The following TDRD12 variants were observed in gnomAD, a reference collection of about 807,000 sequenced individuals.
TDRD12 encodes tudor domain containing 12.
Under a neutral mutation model 133.5 loss-of-function variants are expected in TDRD12, and 158 were observed. The ratio of observed to expected loss-of-function variants is 1.18; its 90% CI spans 1.04 to 1.35. The LOEUF (loss-of-function observed/expected upper bound fraction) is 1.35. TDRD12 is among the 40% of genes most tolerant of loss of function. The pLI is 0.00. For synonymous variants in TDRD12, 460 were observed against 477.9 expected (o/e 0.96, Z 0.49); for missense variants, 1,443 against 1,321.3 (o/e 1.09, Z -1.43).
intron 8 of TDRD12, among the ~76,000 whole-genome samples, chr19:32,767,091 A>ATTTT (rs1352136135): frequency 7.2e-6 from 1 of 137,968 alleles, no homozygotes; most frequent in African/African-American, 2.7e-5. Flanking sequence ...GTTTTCATGC[A>ATTTT]TTTTATTTAT....
intron 23 of TDRD12, among the ~76,000 whole-genome samples, chr19:32,810,998 C>T (rs2145728500): frequency 6.6e-6 from 1 of 152,244 alleles, no homozygotes; most frequent in Non-Finnish European, 1.5e-5. Context: ...AAAGGATTTA[C>T]TCTTATTCAA....
At chr19:32,737,243 G>A (rs1262524157) in intron 2 of TDRD12, among the ~76,000 whole-genome samples, 3 of 151,998 alleles carry the variant, frequency 2.0e-5, no homozygotes, top group Non-Finnish European at 2.9e-5. Flanking sequence ...TCATTCTGTC[G>A]CCCAGGCTGG....
chr19:32,781,428 C>G (rs544827117), intron 11 of TDRD12, among the ~76,000 whole-genome samples: 1 of 152,254 alleles, frequency 6.6e-6, no homozygotes, highest in East Asian at 1.9e-4. Flanking sequence ...AATTGAATCT[C>G]CTCTTTTCCA....
At chr19:32,735,402 C>G (rs1969194238) in intron 2 of TDRD12, among the ~76,000 whole-genome samples, 1 of 152,196 alleles carries the variant, frequency 6.6e-6, no homozygotes, top group Admixed American at 6.5e-5. Flanking sequence ...AAGGCCCTAA[C>G]TCTCTTCAAT....
At chr19:32,760,352 TTTAA>T (rs1395680512) in intron 8 of TDRD12, among the ~76,000 whole-genome samples, 1 of 152,246 alleles carries the variant, frequency 6.6e-6, no homozygotes, top group African/African-American at 2.4e-5. Context: ...TTCCCTTTCC[TTTAA>T]TTATTGTGAG....
At chr19:32,788,430 G>A (rs1568478675) in intron 11 of TDRD12, among the ~76,000 whole-genome samples, 1 of 152,036 alleles carries the variant, frequency 6.6e-6, no homozygotes, top group East Asian at 1.9e-4. Context: ...TTTTTGGAAT[G>A]ATTTTACAAT....
chr19:32,763,657 G>T (rs748253920), intron 8 of TDRD12, among the ~76,000 whole-genome samples: 17 of 152,130 alleles, frequency 1.1e-4, no homozygotes, highest in Admixed American at 5.9e-4. Context: ...GGTATTCACT[G>T]TGAGAACCTG....
At chr19:32,731,270 A>T (rs1439890856) in intron 1 of TDRD12, among the ~76,000 whole-genome samples, 1 of 152,136 alleles carries the variant, frequency 6.6e-6, no homozygotes, top group Non-Finnish European at 1.5e-5. Context: ...AAAGAAGAAT[A>T]CAAATCAGGC....
intron 21 of TDRD12, among the ~76,000 whole-genome samples, chr19:32,805,408 A>T (rs1279320204): frequency 4.6e-5 from 7 of 151,758 alleles, no homozygotes; most frequent in Admixed American, 2.0e-4. Context: ...AGAAAAAAAA[A>T]ATATGTGTGT....
intron 8 of TDRD12, among the ~76,000 whole-genome samples, chr19:32,758,807 T>C (rs1033144154): frequency 3.3e-5 from 5 of 151,842 alleles, no homozygotes; most frequent in Non-Finnish European, 5.9e-5. Flanking sequence ...TGGTTGCACA[T>C]GCCTGTAGTC....
intron 11 of TDRD12, among the ~76,000 whole-genome samples, chr19:32,785,266 G>A (rs761978884): frequency 3.9e-5 from 6 of 152,110 alleles, no homozygotes; most frequent in Non-Finnish European, 5.9e-5. Context: ...GTAGTTGTGC[G>A]GTTTTGAGTG....
intron 25 of TDRD12, among the ~76,000 whole-genome samples, chr19:32,815,212 C>T (rs1414210791): frequency 6.6e-6 from 1 of 152,056 alleles, no homozygotes. Flanking sequence ...CTTGCCACCC[C>T]CCCACCACCT....
intron 21 of TDRD12, among the ~76,000 whole-genome samples, chr19:32,806,909 G>A (rs983317482): frequency 3.3e-5 from 5 of 150,452 alleles, no homozygotes; most frequent in African/African-American, 1.2e-4. Flanking sequence ...TTATTTGCCT[G>A]TCTTGGCCTC....
chr19:32,733,828 GTT>G (rs1969135293), intron 2 of TDRD12, among the ~76,000 whole-genome samples: 1 of 150,580 alleles, frequency 6.6e-6, no homozygotes, highest in Non-Finnish European at 1.5e-5. Context: ...TCTTAAGACT[GTT>G]TGATTACCCT....
intron 8 of TDRD12, among the ~76,000 whole-genome samples, chr19:32,762,224 G>A (rs982016692): frequency 6.6e-6 from 1 of 152,126 alleles, no homozygotes; most frequent in African/African-American, 2.4e-5. Context: ...TTCTTTCATG[G>A]ATTGTGCCTT....
At chr19:32,734,648 C>T (rs1229117573) in intron 2 of TDRD12, among the ~76,000 whole-genome samples, 2 of 152,156 alleles carry the variant, frequency 1.3e-5, no homozygotes, top group Non-Finnish European at 2.9e-5. Context: ...GCTGGGATTA[C>T]AGGCATGAAT....
chr19:32,793,307 TA>T (rs1971124050), intron 13 of TDRD12, among the ~76,000 whole-genome samples: 1 of 152,018 alleles, frequency 6.6e-6, no homozygotes, highest in Non-Finnish European at 1.5e-5. Flanking sequence ...TACAGAGTCT[TA>T]AAAAAACGTA....
intron 2 of TDRD12, among the ~76,000 whole-genome samples, chr19:32,736,547 G>A (rs1336357107): frequency 6.6e-6 from 1 of 152,208 alleles, no homozygotes; most frequent in African/African-American, 2.4e-5. Context: ...TCTACAAGAT[G>A]CTTTGACTTC....
chr19:32,784,622 AT>A (rs1273310544), intron 11 of TDRD12, among the ~76,000 whole-genome samples: 1 of 151,786 alleles, frequency 6.6e-6, no homozygotes, highest in South Asian at 2.1e-4. Flanking sequence ...TGTTCCTGGA[AT>A]TTTTTTTGGT....
Sources: gnomAD v4.1 joint callset for allele counts (sites outside exome capture counted in the v4.1 genomes callset) on GRCh38, gnomAD v4.1.1 for gene constraint, MANE v1.5 for transcripts, NCBI Gene and HGNC (gene_info 2026-07-23, HGNC 2026-07-21) for gene names.